PCDH15: variants seen among roughly 807,000 people sequenced by gnomAD.
PCDH15 encodes protocadherin related 15, also known as protocadherin-15.
A neutral mutation model predicts 178.5 loss-of-function variants in PCDH15; 129 were observed. The observed-to-expected ratio is 0.72, with a 90% confidence interval of 0.63 to 0.84. PCDH15 has a LOEUF of 0.84. Among genes scored for constraint, PCDH15 ranks in the 40% least tolerant of loss-of-function variants. The pLI, the probability that PCDH15 is intolerant of heterozygous loss-of-function variation, is 0.00. For missense variants in PCDH15, 2,230 were observed against 2,099.9 expected, an observed-to-expected ratio of 1.06 and a Z score of -1.21; for synonymous variants, 800 against 732.0, an observed-to-expected ratio of 1.09 and a Z score of -1.50.
At position 53,938,918 on chromosome 10, in the gene PCDH15, A is replaced by G. The variant is rs1405076980; in HGVS notation, c.3270T>C (p.Tyr1090=). 1 of 1,613,288 alleles carries G rather than the reference A, an allele frequency of 6.2e-7. No individual in the cohort carries two copies. Among genetic ancestry groups the G allele is most frequent in the South Asian group, 1.1e-5 (1 of 91,068 alleles). The change falls in exon 25 of 38, where the codon TAT becomes TAC. Residue 1090 remains tyrosine, a synonymous_variant. Coordinates refer to ENST00000644397, the MANE Select transcript of PCDH15 (RefSeq NM_001384140.1). ...FGINNITGVI[Y]VNGPLDYETR... The stretch of plus-strand genomic sequence containing the variant: ...TCTCATAATCCAGAGGTCCATTCAC[A>G]TAGATAACACCTGTGATGTTATTAA...
intron 9 of PCDH15, among the ~76,000 whole-genome samples, chr10:54,223,384 C>A (rs2053078771): frequency 6.8e-6 from 1 of 147,272 alleles, no homozygotes; most frequent in Non-Finnish European, 1.5e-5. Flanking sequence ...CTTTTAGATG[C>A]TTTATAGTTT....
intron 2 of PCDH15, among the ~76,000 whole-genome samples, chr10:55,356,844 G>A (rs1336530227): frequency 6.6e-6 from 1 of 151,940 alleles, no homozygotes; most frequent in Non-Finnish European, 1.5e-5. Flanking sequence ...ATTGTATTCA[G>A]TGTTCTGTTT....
intron 2 of PCDH15, among the ~76,000 whole-genome samples, chr10:54,582,192 G>A (rs2091101275): frequency 6.6e-6 from 1 of 151,952 alleles, no homozygotes; most frequent in Non-Finnish European, 1.5e-5. Flanking sequence ...ATCTGACAGA[G>A]GTCTAATACC....
intron 3 of PCDH15, among the ~76,000 whole-genome samples, chr10:54,868,786 T>A (rs117885563): frequency 0.024 from 3,612 of 152,162 alleles, 80 homozygotes; most frequent in Middle Eastern, 0.034. Context: ...TATGTAGCAA[T>A]CAATGTTATT....
intron 6 of PCDH15, among the ~76,000 whole-genome samples, chr10:54,339,503 C>G (rs999972883): frequency 1.3e-5 from 2 of 152,108 alleles, no homozygotes; most frequent in African/African-American, 4.8e-5. Flanking sequence ...CTACCAAGTT[C>G]CAACAGATAA....
At chr10:55,146,489 G>A (rs1244488055) in intron 2 of PCDH15, among the ~76,000 whole-genome samples, 1 of 151,892 alleles carries the variant, frequency 6.6e-6, no homozygotes, top group East Asian at 1.9e-4. Context: ...TAGTTGTCTT[G>A]TTACTTAGAA....
intron 3 of PCDH15, among the ~76,000 whole-genome samples, chr10:54,877,084 A>T (rs2131801518): frequency 6.6e-6 from 1 of 152,302 alleles, no homozygotes; most frequent in African/African-American, 2.4e-5. Flanking sequence ...ACATCAAGGT[A>T]ATACCTTCCA....
intron 16 of PCDH15, among the ~76,000 whole-genome samples, chr10:54,080,941 T>A (rs1270192680): frequency 6.6e-6 from 1 of 152,126 alleles, no homozygotes; most frequent in Non-Finnish European, 1.5e-5. Flanking sequence ...ACAGGAAAGC[T>A]GAAAACCTAG....
chr10:54,243,379 C>T (rs111643728), intron 8 of PCDH15, among the ~76,000 whole-genome samples: 5 of 152,120 alleles, frequency 3.3e-5, no homozygotes, highest in Admixed American at 6.5e-5. Context: ...TGGTGGCGGG[C>T]GCCTGTAGTC....
intron 16 of PCDH15, 98 bp downstream of exon 16, chr10:54,089,886 A>G (rs2094571585): frequency 1.1e-6 from 1 of 919,000 alleles, no homozygotes; most frequent in Non-Finnish European, 1.8e-6. Context: ...GGGAAGTACA[A>G]CTACAAACAG....
chr10:54,575,416 A>T (rs1023332111), intron 2 of PCDH15: 2 of 152,842 alleles, frequency 1.3e-5, no homozygotes, highest in African/African-American at 4.8e-5. Flanking sequence ...TATTTTATTA[A>T]AAATAACTAA....
chr10:54,670,033 G>A (rs530348515), intron 1 of PCDH15, among the ~76,000 whole-genome samples: 3 of 152,148 alleles, frequency 2.0e-5, no homozygotes, highest in African/African-American at 4.8e-5. Flanking sequence ...CAGCCTGAGC[G>A]ACAGAGCAAG....
In PCDH15 at chr10:55,538,227, T is replaced by A. The variant is rs1001706434; in HGVS notation, c.-156+89398A>T. Among the ~76,000 whole-genome samples the A allele has an allele frequency of 2.6e-5, 4 of 152,212 alleles. No homozygotes were observed. The East Asian group carries it at 7.7e-4, about 29-fold the overall frequency. The stretch of plus-strand genomic sequence containing the variant: ...TTAAGTCACAATGCGTTTATCAGTT[T>A]TATTTGAATACTTAGTAATAGAACT... On this transcript the variant is annotated intron_variant, in intron 2 of 5. Coordinates refer to the PCDH15 transcript ENST00000613346.
At chr10:55,316,803 A>C (rs1843732864) in intron 1 of PCDH15, among the ~76,000 whole-genome samples, 1 of 152,318 alleles carries the variant, frequency 6.6e-6, no homozygotes, top group South Asian at 2.1e-4. Flanking sequence ...GAGAAAATAA[A>C]AGTGTTAAAT....
At chr10:54,890,999 G>A (rs1215740536) in intron 3 of PCDH15, among the ~76,000 whole-genome samples, 1 of 151,956 alleles carries the variant, frequency 6.6e-6, no homozygotes, top group African/African-American at 2.4e-5. Context: ...GGAAAGAAGG[G>A]GGTCATGTTG....
intron 13 of PCDH15, among the ~76,000 whole-genome samples, chr10:54,183,172 C>T (rs528864137): frequency 4.6e-5 from 7 of 152,014 alleles, no homozygotes; most frequent in Non-Finnish European, 8.8e-5. Flanking sequence ...GTAGAGACAG[C>T]GTTGGTCAGG....
intron 2 of PCDH15, among the ~76,000 whole-genome samples, chr10:54,561,979 GCTTT>G (rs1283235865): frequency 1.2e-5 from 1 of 81,802 alleles, no homozygotes; most frequent in African/African-American, 5.6e-5. Flanking sequence ...ACCGCACCCA[GCTTT>G]TTTTTTTTTT....
Position 53,902,849 on chromosome 10 carries a change from GA to G in PCDH15, c.3501+393del, listed in dbSNP as rs775096842. 4.0e-5 allele frequency among the ~76,000 whole-genome samples: 6 copies of G among 151,846 alleles called. No homozygotes were observed. The East Asian group carries it at 1.2e-3, about 29-fold the overall frequency. Reference sequence around the variant, plus strand: ...TCAGCATTTAAAATTCACAATTTCAGAAAAAAATGGTTAATTTATTCCACTA... The same window carrying G: ...TCAGCATTTAAAATTCACAATTTCAGAAAAAATGGTTAATTTATTCCACTA... On this transcript the variant is annotated intron_variant, in intron 26 of 37. Coordinates refer to ENST00000644397, the MANE Select transcript of PCDH15 (RefSeq NM_001384140.1).
intron 1 of PCDH15, among the ~76,000 whole-genome samples, chr10:55,234,091 A>G (rs1841305230): frequency 6.6e-6 from 1 of 152,064 alleles, no homozygotes; most frequent in African/African-American, 2.4e-5. Context: ...CTTTACATAT[A>G]CACCCTTCCC....
Sources: gnomAD v4.1 joint callset for allele counts (sites outside exome capture counted in the v4.1 genomes callset) on GRCh38, gnomAD v4.1.1 for gene constraint, MANE v1.5 for transcripts, NCBI Gene and HGNC (gene_info 2026-07-23, HGNC 2026-07-21) for gene names.